The following VWA5B1 variants were observed in gnomAD, a reference collection of about 807,000 sequenced individuals.
VWA5B1 encodes von Willebrand factor A domain-containing protein 5B1.
VWA5B1 carries 115 observed loss-of-function variants against 118.2 expected under a neutral mutation model. The ratio of observed to expected loss-of-function variants is 0.97; its 90% CI spans 0.84 to 1.14. The LOEUF (loss-of-function observed/expected upper bound fraction) is 1.14. Among genes scored for constraint, VWA5B1 ranks in the 50% most tolerant of loss-of-function variants. The pLI, the probability that VWA5B1 is intolerant of heterozygous loss-of-function variation, is 0.00. For missense variants in VWA5B1, 1,596 were observed against 1,603.8 expected, an observed-to-expected ratio of 1.00 and a Z score of 0.08; for synonymous variants, 682 against 658.4, an observed-to-expected ratio of 1.04 and a Z score of -0.55.
chr1:20,307,490 G>T (rs1432425105), intron 1 of VWA5B1, among the ~76,000 whole-genome samples: 1 of 152,230 alleles, frequency 6.6e-6, no homozygotes, highest in African/African-American at 2.4e-5. Flanking sequence ...AGGCCTCACT[G>T]TCCTCATCTG....
At position 20,345,544 on chromosome 1, in the gene VWA5B1, C is replaced by A. The variant is rs563935139; in HGVS notation, c.2715C>A (p.Asp905Glu). 1.0e-5 allele frequency: 16 copies of A among 1,551,132 alleles called. No individual in the cohort carries two copies. The South Asian group carries it at 1.8e-4, about 17-fold the overall frequency. ...ISKYTAFVPV[D>E]VSKSRYLPTV... Reference sequence around the variant, plus strand: ...AATACACAGCCTTCGTGCCTGTGGACGTGAGCAAGAGCCGGTACCTGCCCA... The same window carrying A: ...AATACACAGCCTTCGTGCCTGTGGAAGTGAGCAAGAGCCGGTACCTGCCCA... Residue 905 changes from aspartate to glutamate, a missense_variant, in exon 17 of 22, where the codon GAC (aspartate) becomes GAA (glutamate). Physicochemically the swap from Asp to Glu is conservative, Grantham distance 45. Transcript: ENST00000289815.
intron 1 of VWA5B1, among the ~76,000 whole-genome samples, chr1:20,300,855 A>G (rs2088489539): frequency 6.6e-6 from 1 of 152,196 alleles, no homozygotes; most frequent in African/African-American, 2.4e-5. Context: ...TTTACGCCCC[A>G]CCAGCTGTGC....
At chr1:20,337,938 C>T in intron 14 of VWA5B1, 102 bp downstream of exon 14, 1 of 1,411,624 alleles carries the variant, frequency 7.1e-7, no homozygotes, top group African/African-American at 1.4e-5. Flanking sequence ...CCACAACTTA[C>T]ACTGCCAAGT....
At chr1:20,332,125 C>G (rs537327454) in intron 11 of VWA5B1, among the ~76,000 whole-genome samples, 1 of 152,282 alleles carries the variant, frequency 6.6e-6, no homozygotes, top group South Asian at 2.1e-4. Flanking sequence ...TTGGCGCAAA[C>G]CTGTGTGCCC....
chr1:20,342,985 A>C, intron 15 of VWA5B1, 94 bp from the exon 16 acceptor site: 1 of 1,449,882 alleles, frequency 6.9e-7, no homozygotes, highest in Middle Eastern at 2.2e-4. Context: ...ACTTGCTTAG[A>C]AGTGTCTGCT....
At position 20,311,680 on chromosome 1, in the gene VWA5B1, G is replaced by A. The variant is rs181138758; in HGVS notation, c.139+940G>A. 3.5e-4 allele frequency among the ~76,000 whole-genome samples: 53 copies of A among 152,274 alleles called. No individual in the cohort carries two copies. The East Asian group carries it at 8.3e-3, about 24-fold the overall frequency. ...ACCGGCCAGGATTCCCTTCCTATCC[G>A]CAGTGATGGGGCCTCATAACCACCA... On this transcript the variant is annotated intron_variant, in intron 2 of 21. Transcript: ENST00000289815.
chr1:20,293,295 A>G (rs77892314), intron 1 of VWA5B1, among the ~76,000 whole-genome samples: 1 of 151,452 alleles, frequency 6.6e-6, no homozygotes, highest in Non-Finnish European at 1.5e-5. Flanking sequence ...ACCTTCACTG[A>G]CCTCTTGTTA....
chr1:20,354,295 G>A lies in VWA5B1; in HGVS notation c.*32G>A. ...GACGGGGAGGCTGGGTGGAGGGAAG[G>A]GTGGGGAGGAGAGGGATGGGCAGGG... is the stretch of plus-strand genomic sequence containing the variant. On this transcript the variant is annotated 3_prime_UTR_variant, in exon 22 of 22. Transcript: ENST00000289815. The A allele has an allele frequency of 1.4e-6, 2 of 1,465,252 alleles. No homozygotes were observed. Among genetic ancestry groups the A allele is most frequent in the Non-Finnish European group, 1.8e-6 (2 of 1,084,470 alleles). 90.8% of individuals were successfully genotyped at this position (1,465,252 alleles called of 1,614,324 possible).
chr1:20,343,016 C>T, intron 15 of VWA5B1, 63 bp from the exon 16 acceptor site: 1 of 1,464,634 alleles, frequency 6.8e-7, no homozygotes. Context: ...GAATGATGTC[C>T]CCTGGGAGTT....
At chr1:20,333,145 A>G (rs1402813033) in intron 12 of VWA5B1, among the ~76,000 whole-genome samples, 194 bp downstream of exon 12, 2 of 152,228 alleles carry the variant, frequency 1.3e-5, no homozygotes, top group African/African-American at 4.8e-5. Flanking sequence ...GGCATGGCTA[A>G]GGTAGATGCC....
intron 1 of VWA5B1, among the ~76,000 whole-genome samples, chr1:20,310,132 G>A (rs763971680): frequency 2.0e-4 from 31 of 152,076 alleles, no homozygotes; most frequent in Non-Finnish European, 3.2e-4. Context: ...GAGGGACGTG[G>A]TGAGCTATTC....
Position 20,323,409 on chromosome 1 carries a change from C to A in VWA5B1, c.1020C>A (p.Ile340=). The part of the protein sequence containing the change: ...LHKDIPHHSV[I]MLNFCPDLQS... Reference sequence around the variant, plus strand: ...AAGACATTCCCCACCACTCCGTCATCATGCTCAACTTCTGTCCCGACCTCC... The same window carrying A: ...AAGACATTCCCCACCACTCCGTCATAATGCTCAACTTCTGTCCCGACCTCC... The change falls in exon 8 of 22, where the codon ATC becomes ATA. Residue 340 remains isoleucine, a synonymous_variant. Transcript: ENST00000289815. 1 of 1,531,102 alleles carries A rather than the reference C, an allele frequency of 6.5e-7. No individual in the cohort carries two copies. The highest frequency in any genetic ancestry group is 8.8e-7 in the Non-Finnish European group (1 of 1,138,100). 94.8% of individuals were successfully genotyped at this position (1,531,102 alleles called of 1,614,324 possible).
At chr1:20,350,122 G>T in intron 18 of VWA5B1, 34 bp from the exon 19 acceptor site, 1 of 1,543,950 alleles carries the variant, frequency 6.5e-7, no homozygotes, top group South Asian at 1.2e-5. Context: ...GAAGGGAGGG[G>T]AGAGGTCCAG....
At chr1:20,291,382 T>A (rs1374054555) in intron 1 of VWA5B1, among the ~76,000 whole-genome samples, 1 of 149,672 alleles carries the variant, frequency 6.7e-6, no homozygotes, top group Non-Finnish European at 1.5e-5. Context: ...TCTCTCTCTC[T>A]CTCTTTCTGT....
intron 3 of VWA5B1, among the ~76,000 whole-genome samples, chr1:20,313,946 A>G (rs965600399): frequency 2.6e-5 from 4 of 152,110 alleles, no homozygotes; most frequent in Admixed American, 6.5e-5. Flanking sequence ...CTAATTAGGG[A>G]TGAAGGAATA....
intron 16 of VWA5B1, among the ~76,000 whole-genome samples, chr1:20,344,933 C>T (rs1053968924): frequency 1.3e-5 from 2 of 152,158 alleles, no homozygotes; most frequent in Non-Finnish European, 2.9e-5. Context: ...AGGGATTGGG[C>T]TCTGGGGTCA....
intron 14 of VWA5B1, 45 bp from the exon 15 acceptor site, chr1:20,342,387 C>G (rs1327002469): frequency 3.3e-6 from 5 of 1,536,332 alleles, no homozygotes; most frequent in Admixed American, 4.0e-5. Context: ...CCTCCTCCTC[C>G]TCCTCGTCCT....
intron 2 of VWA5B1, among the ~76,000 whole-genome samples, chr1:20,312,090 A>T (rs1245326822): frequency 6.6e-6 from 1 of 152,122 alleles, no homozygotes; most frequent in Non-Finnish European, 1.5e-5. Context: ...TTCCAATATT[A>T]AGAGGGTAGA....
intron 17 of VWA5B1, among the ~76,000 whole-genome samples, chr1:20,347,125 A>G (rs1327970878): frequency 6.6e-6 from 1 of 152,216 alleles, no homozygotes; most frequent in African/African-American, 2.4e-5. Context: ...AGTGTGTTCC[A>G]AGAAACTAGA....
Sources: allele counts gnomAD v4.1 joint callset (sites outside exome capture counted in the v4.1 genomes callset), GRCh38; gene constraint gnomAD v4.1.1; transcripts MANE v1.5; gene names NCBI Gene and HGNC (gene_info 2026-07-23, HGNC 2026-07-21).